Variants in MVB12A observed in about 807,000 individuals in gnomAD.
MVB12A encodes the protein CIN85/CD2AP family binding protein.
In MVB12A, 30 loss-of-function variants were observed where a neutral mutation model predicts 34.3. That is an observed-to-expected ratio of 0.88 (90% CI 0.65 to 1.19). The LOEUF (loss-of-function observed/expected upper bound fraction) is 1.19, where lower values mean the gene tolerates loss of function less well. Among genes scored for constraint, MVB12A ranks in the 50% most tolerant of loss-of-function variants. The probability of loss-of-function intolerance (pLI) is 0.00; values close to 1 mark genes in which losing one functional copy is unlikely to be tolerated. For synonymous variants in MVB12A, 158 were observed against 158.9 expected (o/e 0.99, Z 0.04); for missense variants, 355 against 369.2 (o/e 0.96, Z 0.31).
chr19:17,424,068 G>T lies in MVB12A; in HGVS notation c.702+1G>T. 1.9e-5 allele frequency: 30 copies of T among 1,614,066 alleles called. No individual in the cohort carries two copies. Among genetic ancestry groups the T allele is most frequent in the Non-Finnish European group, 2.5e-5 (30 of 1,179,986 alleles). ...TGAGGGCAAGAGCTGCAGCCCCCTG[G>T]TGAGTCGGGGTCTCAGGGAGCCTGG... On this transcript the variant is annotated splice_donor_variant, in intron 7 of 8. Coordinates refer to ENST00000317040, the MANE Select transcript of MVB12A (RefSeq NM_138401.4). LOFTEE classifies it high-confidence loss of function.
intron 2 of MVB12A, among the ~76,000 whole-genome samples, chr19:17,410,529 T>TATATATATATATATACACACACACAC: frequency 6.7e-5 from 5 of 74,446 alleles, no homozygotes; most frequent in African/African-American, 3.3e-4. Context: ...TATATATATA[T>TATATATATATATATACACACACACAC]ACACACACAC....
chr19:17,422,678 C>T (rs373341463), intron 4 of MVB12A: 64 of 318,998 alleles, frequency 2.0e-4, no homozygotes, highest in African/African-American at 1.3e-3. Flanking sequence ...GGACTGGGCG[C>T]GGTGGCTCAC....
rs1217566826 is a variant in MVB12A at position 17,410,708 on chromosome 19, G to A, written c.-5+4412G>A. On this transcript the variant is annotated intron_variant, in intron 2 of 6. Transcript: ENST00000528604. ...ACTTTGGAGGCTGAGGCGGGTGGATGACCTGACGTCAGGAGTTCGAGACCA... is the reference window on the plus strand; with the variant it reads ...ACTTTGGAGGCTGAGGCGGGTGGATAACCTGACGTCAGGAGTTCGAGACCA... 2.1e-5 allele frequency among the ~76,000 whole-genome samples: 3 copies of A among 146,322 alleles called. No homozygotes were observed. The Admixed American group carries it at 2.1e-4, about 10-fold the overall frequency.
chr19:17,409,088 C>A (rs1219849863), intron 2 of MVB12A, among the ~76,000 whole-genome samples: 1 of 151,056 alleles, frequency 6.6e-6, no homozygotes, highest in Non-Finnish European at 1.5e-5. Context: ...CTTGGACTCA[C>A]CAAGTACTGG....
chr19:17,422,233 C>T, intron 3 of MVB12A, 99 bp from the exon 4 acceptor site: 1 of 1,252,560 alleles, frequency 8.0e-7, no homozygotes, highest in East Asian at 2.4e-5. Flanking sequence ...ATGTGGCTGC[C>T]TTAAACAGCA....
Position 17,420,304 on chromosome 19 carries a change from T to G in MVB12A, c.91-9T>G. 6.3e-7 allele frequency: 1 copy of G among 1,585,968 alleles called. No homozygotes were observed. Among genetic ancestry groups the G allele is most frequent in the Non-Finnish European group, 8.6e-7 (1 of 1,165,530 alleles). On this transcript the variant is annotated splice_polypyrimidine_tract_variant and intron_variant, in intron 1 of 8. Transcript: ENST00000317040. ...GGGAGTCCGGCGCTGACCCGCGTCCTCCCGGTAGATCTCCTGCACCGTCGA... is the reference window on the plus strand; with the variant it reads ...GGGAGTCCGGCGCTGACCCGCGTCCGCCCGGTAGATCTCCTGCACCGTCGA...
chr19:17,411,980 C>A (rs569754368), intron 2 of MVB12A, among the ~76,000 whole-genome samples: 10 of 152,138 alleles, frequency 6.6e-5, no homozygotes, highest in African/African-American at 2.4e-4. Flanking sequence ...CGGGTGGGGG[C>A]GATTCTGCTC....
intron 2 of MVB12A, among the ~76,000 whole-genome samples, chr19:17,410,496 T>TTATATATGTATATATATATATATA (rs1568387298): frequency 1.3e-4 from 4 of 31,510 alleles, no homozygotes; most frequent in African/African-American, 4.0e-4. Context: ...GGTTTTAGCT[T>TTATATATGTATATATATATATATA]CATATATATA....
chr19:17,423,902 G>GACAGA, intron 6 of MVB12A, 103 bp downstream of exon 6: 1 of 1,569,940 alleles, frequency 6.4e-7, no homozygotes, highest in Non-Finnish European at 8.8e-7. Context: ...CCCAACTCTG[G>GACAGA]ATTCTGTAAA....
intron 2 of MVB12A, chr19:17,413,468 C>G (rs2074781153): frequency 6.6e-6 from 1 of 152,376 alleles, no homozygotes; most frequent in Non-Finnish European, 1.5e-5. Context: ...GCTGGGATTA[C>G]AGGCACCTGC....
intron 3 of MVB12A, chr19:17,420,919 A>G (rs2074834843): frequency 1.6e-6 from 1 of 644,970 alleles, no homozygotes; most frequent in Non-Finnish European, 2.9e-6. Flanking sequence ...TTTACACCAT[A>G]GCCAAGCAAA....
At chr19:17,407,552 G>A (rs1243126672) in intron 2 of MVB12A, among the ~76,000 whole-genome samples, 1 of 151,956 alleles carries the variant, frequency 6.6e-6, no homozygotes, top group African/African-American at 2.4e-5. Context: ...GAGAGAGAGG[G>A]GACAGACAGA....
chr19:17,417,819 C>T, upstream of MVB12A: 2 of 301,782 alleles, frequency 6.6e-6, no homozygotes, highest in Admixed American at 7.0e-5. Context: ...CTTTCACTGA[C>T]ACTGTCTTCC....
chr19:17,424,632 T>C lies in MVB12A; in HGVS notation c.714T>C (p.Ala238=). ...CCTCTGCCCGCCAGGCCTTCTCTGC[T>C]TTTGGGGACCTGACCATCAAGTCTC... ...GKSCSPLAFS[A]FGDLTIKSLA... Residue 238 remains alanine (A), a synonymous_variant, in exon 8 of 9, where the codon GCT becomes GCC. Coordinates refer to ENST00000317040, the MANE Select transcript of MVB12A (RefSeq NM_138401.4). 1 of 1,612,618 alleles carries C rather than the reference T, an allele frequency of 6.2e-7. No individual in the cohort carries two copies. Among genetic ancestry groups the C allele is most frequent in the Non-Finnish European group, 8.5e-7 (1 of 1,179,480 alleles).
intron 5 of MVB12A, 28 bp downstream of exon 5, chr19:17,423,645 T>A (rs1049217260): frequency 1.2e-5 from 19 of 1,612,920 alleles, no homozygotes; most frequent in Non-Finnish European, 1.6e-5. Flanking sequence ...GGAGTGGGGG[T>A]GGCCGTTGTG....
chr19:17,420,648 C>G lies in MVB12A; in HGVS notation c.286+14C>G, dbSNP rs989280003. On this transcript the variant is annotated intron_variant, in intron 3 of 8. Transcript: ENST00000317040. ...CCATGGATTCCAGTAAGGGCTGCTT[C>G]GGAGGCGAGAGTTGTCCGGGTCCCT... 15 of 1,577,656 alleles carry G rather than the reference C, an allele frequency of 9.5e-6. No homozygotes were observed. Among genetic ancestry groups the G allele is most frequent in the Non-Finnish European group, 1.3e-5 (15 of 1,147,218 alleles).
intron 3 of MVB12A, 38 bp downstream of exon 3, chr19:17,420,672 C>G (rs779400835): frequency 1.4e-6 from 2 of 1,477,482 alleles, no homozygotes; most frequent in South Asian, 2.3e-5. Flanking sequence ...GTCCGGGTCC[C>G]TTGCAGGGAG....
intron 2 of MVB12A, among the ~76,000 whole-genome samples, chr19:17,409,912 C>T (rs2074753556): frequency 6.6e-6 from 1 of 151,962 alleles, no homozygotes; most frequent in Non-Finnish European, 1.5e-5. Context: ...GTACCCGCCA[C>T]CACGCCCAGC....
upstream of MVB12A, chr19:17,415,235 G>C (rs1339468596): frequency 6.6e-6 from 1 of 151,976 alleles, no homozygotes; most frequent in Non-Finnish European, 1.5e-5. Flanking sequence ...TCCCTTAGCT[G>C]GGAAAGCCTG....
Sources: gnomAD v4.1 joint callset for allele counts (sites outside exome capture counted in the v4.1 genomes callset) on GRCh38, gnomAD v4.1.1 for gene constraint, MANE v1.5 for transcripts, NCBI Gene and HGNC (gene_info 2026-07-23, HGNC 2026-07-21) for gene names.